The following EDC3 variants were observed in gnomAD, a reference collection of about 807,000 sequenced individuals.
EDC3 encodes enhancer of mRNA decapping 3.
Under a neutral mutation model 41.8 loss-of-function variants are expected in EDC3, and 20 were observed. That is an observed-to-expected ratio of 0.48 (90% CI 0.34 to 0.70). The LOEUF is 0.70. Among genes scored for constraint, EDC3 ranks in the 30% least tolerant of loss-of-function variants. The pLI is 0.01. For missense variants in EDC3, 444 were observed against 636.8 expected (o/e 0.70, Z 3.26); for synonymous variants, 206 against 243.2 (o/e 0.85, Z 1.42).
chr15:74,646,064 GTTTT>G (rs11359170), intron 4 of EDC3, among the ~76,000 whole-genome samples: 3 of 127,494 alleles, frequency 2.4e-5, no homozygotes, highest in Non-Finnish European at 3.3e-5. Flanking sequence ...TTGTTGTTTT[GTTTT>G]TTTTTTTTTT....
Position 74,635,467 on chromosome 15 carries a change from G to A in EDC3, c.1134C>T (p.Ile378=). ...TGCTGAAGAGCGACAGCTCATTGGTGATAGATTCCAACATCTTGACAAAAT... is the reference window on the plus strand; with the variant it reads ...TGCTGAAGAGCGACAGCTCATTGGTAATAGATTCCAACATCTTGACAAAAT... ...LPNFVKMLES[I]TNELSLFSKT... Residue 378 remains isoleucine (I), a synonymous_variant, in exon 6 of 7, where the codon ATC becomes ATT. Transcript: ENST00000315127. 6.2e-7 allele frequency: 1 copy of A among 1,614,256 alleles called. No individual in the cohort carries two copies. The highest frequency in any genetic ancestry group is 8.5e-7 in the Non-Finnish European group (1 of 1,180,042).
Position 74,632,989 on chromosome 15 carries a change from A to C in EDC3, c.1193-43T>G, listed in dbSNP as rs1158679393. ...GCCATCTGAAAGTCCCTATGAGCAGAGAGCAGCCCAGGCTGGGACTAGGGC... is the reference window on the plus strand; with the variant it reads ...GCCATCTGAAAGTCCCTATGAGCAGCGAGCAGCCCAGGCTGGGACTAGGGC... On this transcript the variant is annotated intron_variant, in intron 6 of 6. Coordinates refer to ENST00000315127, the MANE Select transcript of EDC3 (RefSeq NM_025083.5). The surrounding 1 kb of genome is among the most constrained non-coding windows in gnomAD (Gnocchi z 4.0). 2 of 1,593,636 alleles carry C rather than the reference A, an allele frequency of 1.3e-6. No homozygotes were observed. The highest frequency in any genetic ancestry group is 2.7e-5 in the African/African-American group (2 of 74,500).
Position 74,671,392 on chromosome 15 carries a change from TGCTTATG to T in EDC3, c.484+56_484+62del. On this transcript the variant is annotated intron_variant, in intron 3 of 6. Transcript: ENST00000315127. This position sits in a 1 kb window ranked among gnomAD's most constrained non-coding sequence, Gnocchi z 4.6. ...AAAGGATTTGTTTAAAGAGCAGCAG[TGCTTATG>T]GCTTATAGCCCTGAAACACCAGATT... The T allele has an allele frequency of 6.6e-7, 1 of 1,519,032 alleles. No individual in the cohort carries two copies. Among genetic ancestry groups the T allele is most frequent in the Non-Finnish European group, 8.9e-7 (1 of 1,119,056 alleles). The allele number at this position is 1,519,032 out of a possible 1,614,324, so 94.1% of individuals were successfully genotyped here.
chr15:74,640,147 G>C, intron 5 of EDC3: 1 of 283,566 alleles, frequency 3.5e-6, no homozygotes, highest in Non-Finnish European at 6.6e-6. Context: ...TAAATGATGA[G>C]TGCCAAAGGC....
At chr15:74,648,712 GCA>G (rs1435674139) in intron 4 of EDC3, among the ~76,000 whole-genome samples, 1 of 152,114 alleles carries the variant, frequency 6.6e-6, no homozygotes, top group Non-Finnish European at 1.5e-5. Context: ...AAATCTCAGC[GCA>G]CAGTGTGGAA....
At chr15:74,634,385 G>C (rs928037723) in intron 6 of EDC3, among the ~76,000 whole-genome samples, 1 of 152,078 alleles carries the variant, frequency 6.6e-6, no homozygotes, top group African/African-American at 2.4e-5. Context: ...TCCAACTTCT[G>C]TATCTACTCT....
At chr15:74,635,329 C>T (rs746345966) in intron 6 of EDC3, 80 bp downstream of exon 6, 175 of 1,368,532 alleles carry the variant, frequency 1.3e-4, no homozygotes, top group Non-Finnish European at 1.6e-4. Context: ...TTCCACCTGT[C>T]GCCACTGGGT....
In EDC3 at chr15:74,671,771, T is replaced by C. The variant is rs746372718; in HGVS notation, c.168A>G (p.Ala56=). The C allele has an allele frequency of 5.6e-6, 9 of 1,611,988 alleles. No homozygotes were observed. In the Admixed American group the frequency reaches 1.5e-4, roughly 27 times the overall value. ...GAATTTTTAACTCCGTAATGTCACC[T>C]GCCCTGAAATACACAAAAAAGCCAA... ...KCLVPEVTFR[A]GDITELKILE... is the part of the protein sequence containing the mutation. The change falls in exon 3 of 7, where the codon GCA becomes GCG. Residue 56 remains alanine, a synonymous_variant. Coordinates refer to ENST00000315127, the MANE Select transcript of EDC3 (RefSeq NM_025083.5). The surrounding 1 kb of genome is among the most constrained non-coding windows in gnomAD (Gnocchi z 4.6).
intron 1 of EDC3, among the ~76,000 whole-genome samples, chr15:74,681,758 T>C (rs1428323705): frequency 1.3e-5 from 2 of 152,164 alleles, no homozygotes; most frequent in Non-Finnish European, 2.9e-5. Flanking sequence ...TTACTCAAAA[T>C]GTATCATGAA....
intron 3 of EDC3, among the ~76,000 whole-genome samples, chr15:74,667,820 T>C (rs2062694242): frequency 6.6e-6 from 1 of 152,152 alleles, no homozygotes; most frequent in Non-Finnish European, 1.5e-5. Context: ...TTCCAAGTAA[T>C]GTCTGAAGAT....
intron 6 of EDC3, among the ~76,000 whole-genome samples, chr15:74,633,425 G>A (rs1264623700): frequency 6.6e-6 from 1 of 152,234 alleles, no homozygotes; most frequent in Non-Finnish European, 1.5e-5. Flanking sequence ...GCAGGTGAGA[G>A]CATGCTTATT....
In EDC3 at chr15:74,658,618, G is replaced by A. The variant is rs558471790; in HGVS notation, c.485-2550C>T. ...TGATGGCAGTGAAGATGCAATTTACGTCTCTGAAAAAAAAAAAAAAAAAAA... is the reference window on the plus strand; with the variant it reads ...TGATGGCAGTGAAGATGCAATTTACATCTCTGAAAAAAAAAAAAAAAAAAA... On this transcript the variant is annotated intron_variant, in intron 3 of 6. Transcript: ENST00000315127. 1.6e-3 allele frequency among the ~76,000 whole-genome samples: 170 copies of A among 107,790 alleles called. 1 individual carries two copies. Among genetic ancestry groups the A allele is most frequent in the Non-Finnish European group, 2.4e-3 (140 of 58,494 alleles). The allele number at this position is 107,790 out of a possible 152,430, so 70.7% of individuals were successfully genotyped here. A position where few individuals can be genotyped will look rare whatever the true frequency, so the allele number is the denominator to read the frequency against.
rs191046295 is a variant in EDC3 at position 74,635,246 on chromosome 15, G to T, written c.1192+163C>A. The stretch of plus-strand genomic sequence containing the variant: ...GTAGTTGGAGAGGGAGAAGCATAAG[G>T]GGATGGGAAGTAGTATATTACTGTT... On this transcript the variant is annotated intron_variant, in intron 6 of 6. Transcript: ENST00000315127. 2.8e-5 allele frequency: 20 copies of T among 722,308 alleles called. No homozygotes were observed. In the African/African-American group the frequency reaches 3.1e-4, roughly 11 times the overall value. 44.7% of individuals were successfully genotyped at this position (722,308 alleles called of 1,614,324 possible). A position where few individuals can be genotyped will look rare whatever the true frequency, so the allele number is the denominator to read the frequency against.
chr15:74,659,205 G>A (rs2062591396), intron 3 of EDC3, among the ~76,000 whole-genome samples: 1 of 152,140 alleles, frequency 6.6e-6, no homozygotes, highest in South Asian at 2.1e-4. Flanking sequence ...GCTCAGGCCT[G>A]TAATCCCAGC....
intron 1 of EDC3, among the ~76,000 whole-genome samples, chr15:74,684,304 G>C (rs1319892782): frequency 6.6e-6 from 1 of 151,484 alleles, no homozygotes; most frequent in African/African-American, 2.4e-5. Flanking sequence ...CTGAGTAGCT[G>C]GGACTACAGG....
chr15:74,646,469 G>C (rs1240894302), intron 4 of EDC3, among the ~76,000 whole-genome samples: 2 of 152,232 alleles, frequency 1.3e-5, no homozygotes, highest in African/African-American at 4.8e-5. Context: ...CTGAGCACGA[G>C]TGCAAAGTAT....
chr15:74,669,307 C>T (rs2062712771), intron 3 of EDC3, among the ~76,000 whole-genome samples: 1 of 147,860 alleles, frequency 6.8e-6, no homozygotes, highest in Non-Finnish European at 1.5e-5. Context: ...CACGCCATTG[C>T]ACTCCAGCCT....
chr15:74,640,510 C>T lies in EDC3; in HGVS notation c.930G>A (p.Val310=), dbSNP rs749288306. The change falls in exon 5 of 7, where the codon GTG becomes GTA. Residue 310 remains valine, a synonymous_variant. Coordinates refer to ENST00000315127, the MANE Select transcript of EDC3 (RefSeq NM_025083.5). ...TLERRLEMTG[V]CASQMALTLL... is the part of the protein sequence containing the mutation. ...GGGTCAGTGCCATCTGACTGGCACA[C>T]ACACCTGTCATCTCCAGTCTCCGCT... 6.2e-6 allele frequency: 10 copies of T among 1,614,194 alleles called. No individual in the cohort carries two copies. Among genetic ancestry groups the T allele is most frequent in the Non-Finnish European group, 8.5e-6 (10 of 1,180,028 alleles).
At chr15:74,692,434 G>GT (rs1005887635) in intron 1 of EDC3, among the ~76,000 whole-genome samples, 1 of 152,018 alleles carries the variant, frequency 6.6e-6, no homozygotes, top group Non-Finnish European at 1.5e-5. Flanking sequence ...TATGAAACAC[G>GT]TAAGAAATAA....
Sources: allele counts gnomAD v4.1 joint callset (sites outside exome capture counted in the v4.1 genomes callset), GRCh38; gene constraint gnomAD v4.1.1; non-coding constraint Gnocchi (gnomAD v3.1); transcripts MANE v1.5; gene names NCBI Gene and HGNC (gene_info 2026-07-23, HGNC 2026-07-21).